PRICKLE2: variants seen among roughly 807,000 people sequenced by gnomAD.
PRICKLE2 encodes the protein prickle planar cell polarity protein 2, also known as prickle-like protein 2.
In PRICKLE2, 21 loss-of-function variants were observed where a neutral mutation model predicts 81.4. That is an observed-to-expected ratio of 0.26 (90% CI 0.18 to 0.37). PRICKLE2 has a LOEUF of 0.37. Ranked by LOEUF, PRICKLE2 falls within the 10% of genes least tolerant of loss-of-function variation. The probability of loss-of-function intolerance (pLI) is 1.00; values close to 1 mark genes in which losing one functional copy is unlikely to be tolerated. For synonymous variants in PRICKLE2, 456 were observed against 421.5 expected, an observed-to-expected ratio of 1.08 and a Z score of -1.00; for missense variants, 940 against 1,109.0, an observed-to-expected ratio of 0.85 and a Z score of 2.16.
chr3:64,191,603 G>A lies in PRICKLE2; in HGVS notation c.144+7181C>T, dbSNP rs141692134. Among the ~76,000 whole-genome samples the A allele has an allele frequency of 8.9e-3, 1,360 of 152,332 alleles. 10 individuals carry two copies. The highest frequency in any genetic ancestry group is 0.024 in the Middle Eastern group (7 of 294). ...GTAATTACTAAATAATGTTGGTTGA[G>A]TATTAAATGAGACAATGCATGCAAA... On this transcript the variant is annotated intron_variant, in intron 2 of 7. Coordinates refer to ENST00000638394, the MANE Select transcript of PRICKLE2 (RefSeq NM_198859.4).
intron 1 of PRICKLE2, among the ~76,000 whole-genome samples, chr3:64,206,575 G>A (rs1477919134): frequency 6.6e-6 from 1 of 152,186 alleles, no homozygotes; most frequent in African/African-American, 2.4e-5. Context: ...CCTGCCATCT[G>A]TCTTGACTTC....
At chr3:64,103,404 T>C (rs1321681148) in intron 7 of PRICKLE2, 1 of 152,196 alleles carries the variant, frequency 6.6e-6, no homozygotes, top group Non-Finnish European at 1.5e-5. Context: ...AACATGGATG[T>C]ATCTCATAGA....
intron 2 of PRICKLE2, among the ~76,000 whole-genome samples, chr3:64,193,184 G>A (rs1575646821): frequency 6.6e-6 from 1 of 152,174 alleles, no homozygotes; most frequent in Non-Finnish European, 1.5e-5. Context: ...TAATATAGAG[G>A]AAAGCTGCCA....
intron 2 of PRICKLE2, among the ~76,000 whole-genome samples, chr3:64,183,100 C>T (rs1343467783): frequency 2.0e-5 from 3 of 151,540 alleles, no homozygotes; most frequent in African/African-American, 4.9e-5. Flanking sequence ...TAAGAAAAGG[C>T]TTAAAATAAA....
chr3:64,123,061 C>A (rs830010), intron 7 of PRICKLE2, among the ~76,000 whole-genome samples: 90,027 of 152,022 alleles, frequency 0.59, 27,013 homozygotes, highest in Middle Eastern at 0.69. Context: ...GTGGTTCTGT[C>A]AAGCACCCAG....
At chr3:64,160,983 CAAAAAAA>C (rs2077723957) in intron 3 of PRICKLE2, among the ~76,000 whole-genome samples, 1 of 151,070 alleles carries the variant, frequency 6.6e-6, no homozygotes, top group South Asian at 2.1e-4. Flanking sequence ...AACAAACAAA[CAAAAAAA>C]CCAGAAGAAA....
intron 3 of PRICKLE2, among the ~76,000 whole-genome samples, chr3:64,162,186 C>T (rs148948153): frequency 9.2e-4 from 140 of 152,156 alleles, no homozygotes; most frequent in African/African-American, 3.3e-3. Context: ...GCCCAGCTCT[C>T]TAAGGGGGTT....
At chr3:64,164,566 G>A (rs979536172) in intron 2 of PRICKLE2, among the ~76,000 whole-genome samples, 5 of 152,166 alleles carry the variant, frequency 3.3e-5, no homozygotes, top group Admixed American at 6.5e-5. Context: ...CTTAAAAAAT[G>A]TGAAAGCTAT....
intron 3 of PRICKLE2, among the ~76,000 whole-genome samples, chr3:64,161,628 T>C (rs2077735323): frequency 1.3e-5 from 2 of 151,878 alleles, no homozygotes; most frequent in African/African-American, 4.8e-5. Context: ...GGTGTCTCTT[T>C]TCATAAAAGC....
chr3:64,163,288 G>C, intron 2 of PRICKLE2, 159 bp from the exon 3 acceptor site: 1 of 680,570 alleles, frequency 1.5e-6, no homozygotes, highest in South Asian at 1.6e-5. Context: ...ATGGTAAGCA[G>C]AGAAATTCAT....
intron 5 of PRICKLE2, among the ~76,000 whole-genome samples, chr3:64,155,285 C>A (rs1312419382): frequency 6.7e-6 from 1 of 149,612 alleles, no homozygotes; most frequent in Admixed American, 6.7e-5. Flanking sequence ...TGAAAAGATG[C>A]TCAACATTAT....
chr3:64,254,497 G>A (rs558211818), intron 2 of PRICKLE2, among the ~76,000 whole-genome samples: 1 of 152,266 alleles, frequency 6.6e-6, no homozygotes, highest in East Asian at 1.9e-4. Context: ...GTGATATTTG[G>A]AAGGTGAGCA....
intron 2 of PRICKLE2, among the ~76,000 whole-genome samples, chr3:64,192,574 T>G (rs779682059): frequency 1.3e-5 from 2 of 152,152 alleles, no homozygotes; most frequent in Non-Finnish European, 2.9e-5. Flanking sequence ...AAGAATTTTA[T>G]ACACTCCCAA....
Position 64,163,086 on chromosome 3 carries a change from T to C in PRICKLE2, c.188A>G (p.Tyr63Cys). The part of the protein sequence containing the change: ...YSCLPEEKVP[Y>C]VNSPGEKLRI... ...CAGTTTCTCTCCAGGACTGTTGACA[T>C]AAGGGACTTTCTCTTCTGGGAGACA... Residue 63 changes from tyrosine to cysteine, a missense_variant, in exon 3 of 8, where the codon TAT becomes TGT. Physicochemically the swap from Tyr to Cys is radical, Grantham distance 194. Transcript: ENST00000638394. The C allele has an allele frequency of 6.2e-7, 1 of 1,613,900 alleles. No homozygotes were observed. The highest frequency in any genetic ancestry group is 1.7e-5 in the Admixed American group (1 of 60,020).
In PRICKLE2 at chr3:64,147,506, G is replaced by A. The variant is rs34460293; in HGVS notation, c.984C>T (p.Asn328=). The change falls in exon 7 of 8, where the codon AAC becomes AAT. Residue 328 remains asparagine, a synonymous_variant. Coordinates refer to ENST00000638394, the MANE Select transcript of PRICKLE2 (RefSeq NM_198859.4). This position sits in a 1 kb window ranked among gnomAD's most constrained non-coding sequence, Gnocchi z 5.0. ...TGCGCCGGGACTCCTTGGCCCTGGC[G>A]TTCTGGAAGGCGGAATCAGAGGAGT... ...GSDSSDSAFQ[N]ARAKESRRSA... The A allele has an allele frequency of 0.073, 118,092 of 1,614,162 alleles. 4,601 individuals carry two copies. Among genetic ancestry groups the A allele is most frequent in the South Asian group, 0.096 (8,728 of 91,088 alleles).
At chr3:64,119,820 T>G (rs1255050166) in intron 7 of PRICKLE2, among the ~76,000 whole-genome samples, 1 of 152,186 alleles carries the variant, frequency 6.6e-6, no homozygotes, top group African/African-American at 2.4e-5. Flanking sequence ...TGCTCATCAA[T>G]GGTGGACTGG....
At position 64,157,194 on chromosome 3, in the gene PRICKLE2, A is replaced by G; in HGVS notation, c.568T>C (p.Cys190Arg). Residue 190 changes from cysteine to arginine, a missense_variant, in exon 5 of 8, where the codon TGC (cysteine) becomes CGC (arginine). Transcript: ENST00000638394. ...CAGGCAGCACAGCGCGGCTTCAGGC[A>G]CTCAGCATGGTGCCTGCCACAGTAT... ...KIYCGRHHAECLKPRCAACDE... is the reference protein window; with the variant it reads ...KIYCGRHHAERLKPRCAACDE... The G allele has an allele frequency of 1.2e-6, 2 of 1,614,166 alleles. No individual in the cohort carries two copies. The highest frequency in any genetic ancestry group is 1.1e-5 in the South Asian group (1 of 91,086).
intron 1 of PRICKLE2, chr3:64,200,956 G>A (rs1224699172): frequency 1.4e-5 from 2 of 141,832 alleles, no homozygotes; most frequent in Non-Finnish European, 3.0e-5. Context: ...TTGAGATGGA[G>A]TCTTGCTCTG....
chr3:64,235,892 C>T (rs2079173023), intron 2 of PRICKLE2, among the ~76,000 whole-genome samples: 1 of 152,016 alleles, frequency 6.6e-6, no homozygotes. Flanking sequence ...ACTGAACATA[C>T]CCAGAGTGGA....
Sources: allele counts gnomAD v4.1 joint callset (sites outside exome capture counted in the v4.1 genomes callset), GRCh38; gene constraint gnomAD v4.1.1; non-coding constraint Gnocchi (gnomAD v3.1); transcripts MANE v1.5; gene names NCBI Gene and HGNC (gene_info 2026-07-23, HGNC 2026-07-21).